Variants in AGO3 observed in about 807,000 individuals in gnomAD.
The protein encoded by AGO3 is protein argonaute-3.
AGO3 carries 16 observed loss-of-function variants against 105.5 expected under a neutral mutation model. The observed-to-expected ratio is 0.15, with a 90% confidence interval of 0.10 to 0.23. The LOEUF (loss-of-function observed/expected upper bound fraction) is 0.23, where lower values mean the gene tolerates loss of function less well. Ranked by LOEUF, AGO3 falls within the 10% of genes least tolerant of loss-of-function variation. AGO3 has a pLI of 1.00. For synonymous variants in AGO3, 340 were observed against 367.3 expected (o/e 0.93, Z 0.85); for missense variants, 534 against 1,088.0 (o/e 0.49, Z 7.16).
At chr1:35,976,506 CTAAT>C (rs948587247) in intron 5 of AGO3, among the ~76,000 whole-genome samples, 1 of 152,024 alleles carries the variant, frequency 6.6e-6, no homozygotes, top group Non-Finnish European at 1.5e-5. Flanking sequence ...ATTATATAGA[CTAAT>C]TAGACAGGGT....
At chr1:36,018,321 G>T (rs970456111) in intron 11 of AGO3, among the ~76,000 whole-genome samples, 1 of 141,874 alleles carries the variant, frequency 7.0e-6, no homozygotes, top group Non-Finnish European at 1.6e-5. Flanking sequence ...GTTGACCAGT[G>T]CTCTGTTTCT....
At chr1:35,978,215 G>A (rs1358793203) in intron 5 of AGO3, among the ~76,000 whole-genome samples, 1 of 151,944 alleles carries the variant, frequency 6.6e-6, no homozygotes, top group Non-Finnish European at 1.5e-5. Flanking sequence ...TTTTTTTTGA[G>A]TTTTGCTCTT....
rs1312094284 is a variant in AGO3 at position 36,058,963 on chromosome 1, A to G, written c.*3218A>G. The G allele has an allele frequency of 6.6e-6, 1 of 152,150 alleles. No individual in the cohort carries two copies. The highest frequency in any genetic ancestry group is 1.9e-4 in the East Asian group (1 of 5,200). 9.4% of individuals were successfully genotyped at this position (152,150 alleles called of 1,614,324 possible). A position where few individuals can be genotyped will look rare whatever the true frequency, so the allele number is the denominator to read the frequency against. On this transcript the variant is annotated 3_prime_UTR_variant, in exon 19 of 19. Transcript: ENST00000373191. ...TGTGAGTAAAACATCTTCCTTTATC[A>G]TGGGAGCTGCACAGATTCATGTGGG... is the stretch of plus-strand genomic sequence containing the variant.
intron 5 of AGO3, among the ~76,000 whole-genome samples, chr1:36,003,158 G>A (rs531975309): frequency 6.7e-6 from 1 of 149,514 alleles, no homozygotes; most frequent in South Asian, 2.1e-4. Flanking sequence ...TTTTTTTGGA[G>A]TAGAAAAATG....
At chr1:35,940,445 CG>C (rs1646233245) in intron 1 of AGO3, among the ~76,000 whole-genome samples, 1 of 152,168 alleles carries the variant, frequency 6.6e-6, no homozygotes, top group Admixed American at 6.5e-5. Flanking sequence ...GTGTCTTAAT[CG>C]GTAAGTTTTC....
In AGO3 at chr1:36,064,430, C is replaced by G. The variant is rs921775699; in HGVS notation, c.*8685C>G. 4.6e-5 allele frequency: 7 copies of G among 152,060 alleles called. No individual in the cohort carries two copies. The highest frequency in any genetic ancestry group is 1.4e-4 in the African/African-American group (6 of 41,420). The allele number at this position is 152,060 out of a possible 1,614,324, so 9.4% of individuals were successfully genotyped here. On this transcript the variant is annotated 3_prime_UTR_variant, in exon 19 of 19. Coordinates refer to ENST00000373191, the MANE Select transcript of AGO3 (RefSeq NM_024852.4). ...AAAGTACATGAAAAAAGTATATTCC[C>G]TTAAGCAGGTAAAATACTTGCATTG...
intron 5 of AGO3, among the ~76,000 whole-genome samples, chr1:35,985,287 A>G (rs1041516847): frequency 1.3e-5 from 2 of 152,326 alleles, no homozygotes; most frequent in Admixed American, 1.3e-4. Context: ...GTCTCAAAAA[A>G]CAAATAAAAT....
chr1:36,039,621 A>T (rs954229904), intron 14 of AGO3, among the ~76,000 whole-genome samples, 169 bp from the exon 15 acceptor site: 5 of 151,984 alleles, frequency 3.3e-5, no homozygotes, highest in Non-Finnish European at 7.4e-5. Context: ...AGCTGGGACT[A>T]TAGGCACATG....
chr1:35,966,805 A>T (rs953854908), intron 2 of AGO3, 150 bp from the exon 3 acceptor site: 3 of 859,422 alleles, frequency 3.5e-6, no homozygotes, highest in Non-Finnish European at 5.0e-6. Context: ...TTGGTGTCTT[A>T]AGCCAAGATT....
At position 36,001,811 on chromosome 1, in the gene AGO3, A is replaced by G. The variant is rs185739027; in HGVS notation, c.659-2530A>G. Among the ~76,000 whole-genome samples the G allele has an allele frequency of 6.6e-3, 1,011 of 152,254 alleles. 8 individuals carry two copies. The highest frequency in any genetic ancestry group is 0.023 in the African/African-American group (962 of 41,550). ...GATGTATACATACCTAAGTACTAAC[A>G]ATGGTTACTTATTAGAGCTATTTGG... On this transcript the variant is annotated intron_variant, in intron 5 of 18. Transcript: ENST00000373191.
At chr1:35,947,473 AT>A (rs1646387920) in intron 2 of AGO3, among the ~76,000 whole-genome samples, 1 of 152,006 alleles carries the variant, frequency 6.6e-6, no homozygotes, top group South Asian at 2.1e-4. Flanking sequence ...CATTGTGGTT[AT>A]TTTTCTCCCT....
intron 5 of AGO3, among the ~76,000 whole-genome samples, chr1:35,994,788 A>G (rs1307929377): frequency 6.6e-6 from 1 of 152,208 alleles, no homozygotes. Flanking sequence ...TTAGGAATAA[A>G]TATAAAGATG....
At chr1:36,043,655 T>C in intron 17 of AGO3, 107 bp downstream of exon 17, 1 of 929,926 alleles carries the variant, frequency 1.1e-6, no homozygotes, top group East Asian at 2.8e-5. Flanking sequence ...GCATTCCAAA[T>C]TGTTTCCACA....
At chr1:35,988,209 C>T (rs1647294510) in intron 5 of AGO3, among the ~76,000 whole-genome samples, 1 of 152,136 alleles carries the variant, frequency 6.6e-6, no homozygotes, top group Admixed American at 6.5e-5. Context: ...TTGAGGTATA[C>T]AGTGTGATTT....
intron 5 of AGO3, among the ~76,000 whole-genome samples, chr1:35,992,726 T>C (rs2148795888): frequency 6.6e-6 from 1 of 152,380 alleles, no homozygotes; most frequent in South Asian, 2.1e-4. Flanking sequence ...TCTTATTTTA[T>C]GTCTGTGTTA....
intron 3 of AGO3, among the ~76,000 whole-genome samples, chr1:35,971,161 TTTTA>T (rs1646863270): frequency 6.9e-6 from 1 of 144,356 alleles, no homozygotes; most frequent in South Asian, 2.1e-4. Context: ...TATATATTTA[TTTTA>T]TTTATTTATT....
At position 36,063,186 on chromosome 1, in the gene AGO3, A is replaced by G. The variant is rs1327481580; in HGVS notation, c.*7441A>G. ...ACTTAGAATATTTAATGTTGTTTATATAGTGGGCATTAAAGACAGTCTTTA... is the reference window on the plus strand; with the variant it reads ...ACTTAGAATATTTAATGTTGTTTATGTAGTGGGCATTAAAGACAGTCTTTA... On this transcript the variant is annotated 3_prime_UTR_variant, in exon 19 of 19. Coordinates refer to ENST00000373191, the MANE Select transcript of AGO3 (RefSeq NM_024852.4). 2 of 152,190 alleles carry G rather than the reference A, an allele frequency of 1.3e-5. No individual in the cohort carries two copies. The highest frequency in any genetic ancestry group is 4.8e-5 in the African/African-American group (2 of 41,448). The allele number at this position is 152,190 out of a possible 1,614,324, so 9.4% of individuals were successfully genotyped here. A position where few individuals can be genotyped will look rare whatever the true frequency, so the allele number is the denominator to read the frequency against.
chr1:36,023,987 C>G (rs1047823508), intron 11 of AGO3, among the ~76,000 whole-genome samples: 1 of 152,140 alleles, frequency 6.6e-6, no homozygotes, highest in African/African-American at 2.4e-5. Context: ...CTAACAATCT[C>G]TTAGGCTTCC....
rs996155958 is a variant in AGO3, at chr1:35,931,302, G to T, written c.-125G>T. 26 of 854,748 alleles carry T rather than the reference G, an allele frequency of 3.0e-5. No individual in the cohort carries two copies. Among genetic ancestry groups the T allele is most frequent in the Non-Finnish European group, 3.9e-5 (24 of 607,878 alleles). The allele number at this position is 854,748 out of a possible 1,614,324, so 52.9% of individuals were successfully genotyped here. The stretch of plus-strand genomic sequence containing the variant: ...GTGCGGTTGCTCAGGGGAAGCCGTC[G>T]CCGCCCCCGCCTCGGGGCCGAGTGA... On this transcript the variant is annotated 5_prime_UTR_variant, in exon 1 of 19. Transcript: ENST00000373191.
Sources: gnomAD v4.1 joint callset for allele counts (sites outside exome capture counted in the v4.1 genomes callset) on GRCh38, gnomAD v4.1.1 for gene constraint, MANE v1.5 for transcripts, NCBI Gene and HGNC (gene_info 2026-07-23, HGNC 2026-07-21) for gene names.